The following FMN1 variants were observed in gnomAD, a reference collection of about 807,000 sequenced individuals.
The protein encoded by FMN1 is formin-1.
FMN1 carries 110 observed loss-of-function variants against 132.4 expected under a neutral mutation model. The observed-to-expected ratio is 0.83, with a 90% CI of 0.71 to 0.97. The LOEUF is 0.97. Among genes scored for constraint, FMN1 ranks in the 50% least tolerant of loss-of-function variants. The pLI, the probability that FMN1 is intolerant of heterozygous loss-of-function variation, is 0.00. For synonymous variants in FMN1, 722 were observed against 651.7 expected (o/e 1.11, Z -1.64); for missense variants, 1,792 against 1,705.3 (o/e 1.05, Z -0.90).
intron 12 of FMN1, among the ~76,000 whole-genome samples, chr15:32,903,331 C>G (rs1318146352): frequency 6.6e-6 from 1 of 152,170 alleles, no homozygotes; most frequent in Non-Finnish European, 1.5e-5. Flanking sequence ...AAAAGTTAAA[C>G]TCTGTGTAAA....
At chr15:33,018,211 T>A (rs1033199787) in intron 6 of FMN1, among the ~76,000 whole-genome samples, 1 of 152,152 alleles carries the variant, frequency 6.6e-6, no homozygotes, top group African/African-American at 2.4e-5. Flanking sequence ...GCAAAATATG[T>A]ATTTGGCCCT....
intron 3 of FMN1, among the ~76,000 whole-genome samples, chr15:33,179,152 A>G (rs1965612084): frequency 6.6e-6 from 1 of 152,216 alleles, no homozygotes; most frequent in South Asian, 2.1e-4. Flanking sequence ...TAGAACATAT[A>G]TCAAGGAGAG....
At chr15:32,885,547 A>G (rs2059876774) in intron 16 of FMN1, among the ~76,000 whole-genome samples, 1 of 152,230 alleles carries the variant, frequency 6.6e-6, no homozygotes, top group African/African-American at 2.4e-5. Context: ...TGAGAAGTCA[A>G]AAATAGTATC....
Position 33,064,960 on chromosome 15 carries a change from C to G in FMN1, c.2158G>C (p.Ala720Pro). 6.2e-7 allele frequency: 1 copy of G among 1,605,818 alleles called. No individual in the cohort carries two copies. Among genetic ancestry groups the G allele is most frequent in the African/African-American group, 1.3e-5 (1 of 74,778 alleles). ...CCCTAGCTTCCTTTCACATTACCTG[C>G]TTCAGTGTACTTCAGTCCCACTTTT... Reference protein sequence around the residue: ...EEKVGLKYTEAEYQAAILHLK... With the variant: ...EEKVGLKYTEPEYQAAILHLK... Residue 720 changes from alanine (A) to proline (P), a missense_variant, in exon 6 of 21, where the codon GCA (alanine) becomes CCA (proline). Transcript: ENST00000616417.
intron 5 of FMN1, among the ~76,000 whole-genome samples, chr15:33,069,031 C>T (rs1333824083): frequency 2.0e-5 from 3 of 152,202 alleles, no homozygotes; most frequent in Non-Finnish European, 2.9e-5. Flanking sequence ...ACAACCTGCC[C>T]TATTAGACAA....
In FMN1 at chr15:33,003,444, C is replaced by A. The variant is rs569205188; in HGVS notation, c.2223+4570G>T. ...CAAATCATGAGTGAACTCCCATTCA[C>A]AATTGCTTCAAAGGGAATAAAATAC... is the stretch of plus-strand genomic sequence containing the variant. On this transcript the variant is annotated intron_variant, in intron 7 of 20. Transcript: ENST00000616417. Among the ~76,000 whole-genome samples, 302 of 152,290 alleles carry A rather than the reference C, an allele frequency of 2.0e-3. 3 individuals are homozygous for A. In the South Asian group the frequency reaches 0.023, roughly 12 times the overall value.
chr15:32,952,665 C>G (rs1287030054), intron 9 of FMN1, among the ~76,000 whole-genome samples: 2 of 152,172 alleles, frequency 1.3e-5, no homozygotes, highest in African/African-American at 2.4e-5. Flanking sequence ...CATGAATTAA[C>G]CCCCTGGTAC....
chr15:33,020,986 C>T (rs1340864077), intron 6 of FMN1, among the ~76,000 whole-genome samples: 1 of 152,202 alleles, frequency 6.6e-6, no homozygotes. Flanking sequence ...TGGCTTTAAG[C>T]CTTGGCCATA....
intron 4 of FMN1, among the ~76,000 whole-genome samples, chr15:33,097,045 G>A (rs1390990503): frequency 6.6e-6 from 1 of 152,130 alleles, no homozygotes; most frequent in East Asian, 1.9e-4. Context: ...TGTAATCCCA[G>A]CACTTTGGGA....
intron 7 of FMN1, among the ~76,000 whole-genome samples, chr15:33,003,577 C>T (rs917614962): frequency 2.0e-5 from 3 of 152,180 alleles, no homozygotes; most frequent in Admixed American, 6.5e-5. Flanking sequence ...ACATTCTATG[C>T]TCATGGGTAA....
intron 6 of FMN1, among the ~76,000 whole-genome samples, chr15:33,046,127 T>G (rs900118346): frequency 1.3e-5 from 2 of 152,146 alleles, no homozygotes; most frequent in African/African-American, 4.8e-5. Context: ...AGTTCTATAC[T>G]TGTGAAAATA....
chr15:32,776,254 G>A (rs1162327061), intron 20 of FMN1, among the ~76,000 whole-genome samples: 1 of 152,170 alleles, frequency 6.6e-6, no homozygotes, highest in East Asian at 1.9e-4. Context: ...CACCTAGGTG[G>A]AGATTCATTG....
chr15:32,898,871 T>C lies in FMN1; in HGVS notation c.3677A>G (p.Asp1226Gly), dbSNP rs1430367332. 3 of 1,599,532 alleles carry C rather than the reference T, an allele frequency of 1.9e-6. No homozygotes were observed. Among genetic ancestry groups the C allele is most frequent in the East Asian group, 2.2e-5 (1 of 44,696 alleles). The change falls in exon 15 of 21, where the codon GAC becomes GGC. Residue 1226 changes from aspartate (D) to glycine (G), a missense_variant. Asp to Gly is a moderately conservative substitution (Grantham distance 94). Coordinates refer to ENST00000616417, the MANE Select transcript of FMN1 (RefSeq NM_001277313.2). ...ACGCAGGTAATACTTAACAACGTAG[T>C]CCACCAGATTAATCCCATTATCCTA... is the stretch of plus-strand genomic sequence containing the variant. The part of the protein sequence containing the change: ...KSRDNGINLV[D>G]YVVKYYLRYY...
chr15:33,158,163 A>G (rs557307379), intron 3 of FMN1, among the ~76,000 whole-genome samples: 14 of 152,198 alleles, frequency 9.2e-5, no homozygotes, highest in Non-Finnish European at 1.8e-4. Flanking sequence ...TAAAAACTCA[A>G]TGAAGATTCT....
chr15:32,839,741 C>T (rs1426644095), intron 17 of FMN1, among the ~76,000 whole-genome samples: 1 of 151,364 alleles, frequency 6.6e-6, no homozygotes, highest in Non-Finnish European at 1.5e-5. Context: ...CCGATTTCTC[C>T]TCAAAATAAG....
At chr15:32,973,684 T>G (rs898325749) in intron 7 of FMN1, among the ~76,000 whole-genome samples, 4 of 152,078 alleles carry the variant, frequency 2.6e-5, no homozygotes, top group African/African-American at 9.7e-5. Context: ...GCAGAGCAAC[T>G]CAAAGTGATT....
chr15:32,977,958 G>A (rs896592804), intron 7 of FMN1, among the ~76,000 whole-genome samples: 11 of 151,388 alleles, frequency 7.3e-5, no homozygotes. Flanking sequence ...CCACGTTTAA[G>A]TGATTCTCCT....
intron 4 of FMN1, among the ~76,000 whole-genome samples, chr15:33,099,856 G>A (rs976374939): frequency 6.6e-6 from 1 of 152,176 alleles, no homozygotes; most frequent in Non-Finnish European, 1.5e-5. Flanking sequence ...CTTTGAGGTA[G>A]CATAAATCTC....
chr15:33,122,491 A>G (rs929320790), intron 4 of FMN1, among the ~76,000 whole-genome samples: 4 of 152,236 alleles, frequency 2.6e-5, no homozygotes, highest in Non-Finnish European at 5.9e-5. Flanking sequence ...CTCAGCCCAC[A>G]GTACATTTCA....
Sources: allele counts gnomAD v4.1 joint callset (sites outside exome capture counted in the v4.1 genomes callset), GRCh38; gene constraint gnomAD v4.1.1; transcripts MANE v1.5; gene names NCBI Gene and HGNC (gene_info 2026-07-23, HGNC 2026-07-21).